Variants in RPS6KA2 observed in about 807,000 individuals in gnomAD.
RPS6KA2 encodes ribosomal protein S6 kinase alpha-2.
Under a neutral mutation model 91.8 loss-of-function variants are expected in RPS6KA2, and 42 were observed. The ratio of observed to expected loss-of-function variants is 0.46; its 90% CI spans 0.36 to 0.59. The LOEUF (loss-of-function observed/expected upper bound fraction) is 0.59. Among genes scored for constraint, RPS6KA2 ranks in the 20% least tolerant of loss-of-function variants. The probability of loss-of-function intolerance (pLI) is 0.00; values close to 1 mark genes in which losing one functional copy is unlikely to be tolerated. For synonymous variants in RPS6KA2, 414 were observed against 393.6 expected, an observed-to-expected ratio of 1.05 and a Z score of -0.61; for missense variants, 798 against 978.5, an observed-to-expected ratio of 0.82 and a Z score of 2.46.
intron 1 of RPS6KA2, among the ~76,000 whole-genome samples, chr6:166,605,888 G>A (rs948962037): frequency 1.3e-5 from 2 of 152,218 alleles, no homozygotes; most frequent in South Asian, 2.1e-4. Flanking sequence ...GCCCAGAGGC[G>A]CAGCAACCAA....
At chr6:166,802,497 T>C (rs975043500) in intron 2 of RPS6KA2, among the ~76,000 whole-genome samples, 1 of 152,164 alleles carries the variant, frequency 6.6e-6, no homozygotes, top group Non-Finnish European at 1.5e-5. Flanking sequence ...CAAAAAGAGA[T>C]AGAAGCTCTC....
At chr6:166,416,656 TCCA>T (rs1486768929) in intron 19 of RPS6KA2, among the ~76,000 whole-genome samples, 1 of 136,666 alleles carries the variant, frequency 7.3e-6, no homozygotes, top group Non-Finnish European at 1.6e-5. Flanking sequence ...CACCATTACC[TCCA>T]CCATCAGCTC....
chr6:166,586,181 G>A lies in RPS6KA2; in HGVS notation c.99+40740C>T, dbSNP rs201656275. 3.0e-3 allele frequency: 4,806 copies of A among 1,577,842 alleles called. 85 individuals carry two copies. In the Middle Eastern group the frequency reaches 0.032, roughly 11 times the overall value. On this transcript the variant is annotated intron_variant, in intron 1 of 20. Transcript: ENST00000265678. ...CATAATGTCCATATTGCTGGGGATA[G>A]TAAGGTTCTTGTCTGTGTTGCGGGT...
chr6:166,504,465 G>C, intron 6 of RPS6KA2, 41 bp downstream of exon 6: 1 of 1,187,484 alleles, frequency 8.4e-7, no homozygotes, highest in South Asian at 1.3e-5. Flanking sequence ...ACATGGAGCT[G>C]ATGGGCGTGG....
rs571174892 is a variant in RPS6KA2, at chr6:166,768,379, C to T, written c.123+89821G>A. Reference sequence around the variant, plus strand: ...TAGCTGTGAAACTAGAGGCACCTTGCAGGACTTATTAGGCAAAATCCATGA... The same window carrying T: ...TAGCTGTGAAACTAGAGGCACCTTGTAGGACTTATTAGGCAAAATCCATGA... On this transcript the variant is annotated intron_variant, in intron 2 of 21. Coordinates refer to the RPS6KA2 transcript ENST00000503859. Among the ~76,000 whole-genome samples the T allele has an allele frequency of 7.9e-5, 12 of 152,302 alleles. No homozygotes were observed. The South Asian group carries it at 1.2e-3, about 16-fold the overall frequency.
At position 166,495,732 on chromosome 6, in the gene RPS6KA2, C is replaced by T. The variant is rs1781763151; in HGVS notation, c.747+2776G>A. ...GCCAGGAGACACTCACAGAGACAGA[C>T]AACGACAATAAAAGATGGCAGACGT... On this transcript the variant is annotated intron_variant, in intron 8 of 20. Coordinates refer to ENST00000265678, the MANE Select transcript of RPS6KA2 (RefSeq NM_021135.6). This position sits in a 1 kb window ranked among gnomAD's most constrained non-coding sequence, Gnocchi z 4.4. Among the ~76,000 whole-genome samples, 1 of 152,190 alleles carries T rather than the reference C, an allele frequency of 6.6e-6. No individual in the cohort carries two copies. Among genetic ancestry groups the T allele is most frequent in the African/African-American group, 2.4e-5 (1 of 41,430 alleles).
At chr6:166,586,533 A>C (rs545891059) in intron 1 of RPS6KA2, 23 of 1,529,596 alleles carry the variant, frequency 1.5e-5, no homozygotes, top group Admixed American at 6.9e-5. Context: ...AGGTTGTTTA[A>C]ATCCGCCAAG....
At chr6:166,697,120 T>C (rs1789382887) in intron 2 of RPS6KA2, among the ~76,000 whole-genome samples, 1 of 152,112 alleles carries the variant, frequency 6.6e-6, no homozygotes, top group Non-Finnish European at 1.5e-5. Context: ...TGGATACAAA[T>C]ATAGATATAG....
intron 2 of RPS6KA2, among the ~76,000 whole-genome samples, chr6:166,709,430 C>T (rs978648024): frequency 1.3e-5 from 2 of 152,120 alleles, no homozygotes; most frequent in Non-Finnish European, 2.9e-5. Context: ...GTGCTGGAGG[C>T]TAGCCTGTGC....
intron 2 of RPS6KA2, among the ~76,000 whole-genome samples, chr6:166,750,404 A>T (rs1428325040): frequency 6.7e-6 from 1 of 148,556 alleles, no homozygotes. Flanking sequence ...CACTCCTCCC[A>T]CACAGTCTCC....
At chr6:166,789,296 C>T (rs530858031) in intron 2 of RPS6KA2, among the ~76,000 whole-genome samples, 1 of 152,358 alleles carries the variant, frequency 6.6e-6, no homozygotes, top group South Asian at 2.1e-4. Flanking sequence ...TGCAAGGCTG[C>T]ATCGAGGCTG....
intron 11 of RPS6KA2, among the ~76,000 whole-genome samples, chr6:166,461,499 GGAGA>G (rs3830733): frequency 3.9e-5 from 5 of 129,840 alleles, no homozygotes; most frequent in African/African-American, 6.1e-5. Context: ...GGAGAGAGGT[GGAGA>G]GAGAGAGAGA....
intron 10 of RPS6KA2, among the ~76,000 whole-genome samples, chr6:166,470,850 C>A (rs1462186241): frequency 1.3e-5 from 2 of 152,194 alleles, no homozygotes; most frequent in African/African-American, 4.8e-5. Context: ...AACACAAAGT[C>A]TATTAATTAA....
At chr6:166,718,212 T>G (rs139255377) in intron 2 of RPS6KA2, among the ~76,000 whole-genome samples, 2 of 152,282 alleles carry the variant, frequency 1.3e-5, no homozygotes, top group East Asian at 3.9e-4. Flanking sequence ...TCCCCTTAAG[T>G]AGCTTTCTGA....
At chr6:166,810,506 C>T (rs1206126771) in intron 2 of RPS6KA2, among the ~76,000 whole-genome samples, 1 of 152,168 alleles carries the variant, frequency 6.6e-6, no homozygotes, top group South Asian at 2.1e-4. Flanking sequence ...TTGTGACTAA[C>T]TCAATCCTAT....
At chr6:166,735,868 A>T (rs1790659288) in intron 2 of RPS6KA2, among the ~76,000 whole-genome samples, 1 of 152,222 alleles carries the variant, frequency 6.6e-6, no homozygotes, top group South Asian at 2.1e-4. Flanking sequence ...AGGACTCCTG[A>T]TTTAGGAAAA....
intron 2 of RPS6KA2, among the ~76,000 whole-genome samples, chr6:166,844,873 A>T (rs1317264250): frequency 6.6e-6 from 1 of 152,142 alleles, no homozygotes; most frequent in Non-Finnish European, 1.5e-5. Flanking sequence ...AACAACAAAA[A>T]AAACAAACCA....
rs918983660 is a variant in RPS6KA2, at chr6:166,563,905, C to T, written c.100-25121G>A. On this transcript the variant is annotated intron_variant, in intron 1 of 20. Transcript: ENST00000265678. The surrounding 1 kb of genome is among the most constrained non-coding windows in gnomAD (Gnocchi z 4.1). Reference sequence around the variant, plus strand: ...ATTTGTAAATTACGGGCTTTCAACACGCAGCTGGACGTGGCAGGAAAGAGG... The same window carrying T: ...ATTTGTAAATTACGGGCTTTCAACATGCAGCTGGACGTGGCAGGAAAGAGG... Among the ~76,000 whole-genome samples, 3 of 152,114 alleles carry T rather than the reference C, an allele frequency of 2.0e-5. No homozygotes were observed. Among genetic ancestry groups the T allele is most frequent in the Non-Finnish European group, 4.4e-5 (3 of 68,028 alleles).
intron 2 of RPS6KA2, among the ~76,000 whole-genome samples, chr6:166,720,443 T>C (rs2128584203): frequency 6.6e-6 from 1 of 152,284 alleles, no homozygotes; most frequent in African/African-American, 2.4e-5. Flanking sequence ...ATGCACTTCT[T>C]TTCCCCAAAG....
Sources: allele counts gnomAD v4.1 joint callset (sites outside exome capture counted in the v4.1 genomes callset), GRCh38; gene constraint gnomAD v4.1.1; non-coding constraint Gnocchi (gnomAD v3.1); transcripts MANE v1.5; gene names NCBI Gene and HGNC (gene_info 2026-07-23, HGNC 2026-07-21).